Variants in ARL10 observed in about 807,000 individuals in gnomAD.
ARL10 encodes the protein ADP-ribosylation factor-like protein 10.
A neutral mutation model predicts 26.1 loss-of-function variants in ARL10; 23 were observed. The ratio of observed to expected loss-of-function variants is 0.88; its 90% CI spans 0.63 to 1.25. The LOEUF (loss-of-function observed/expected upper bound fraction) is 1.25, where lower values mean the gene tolerates loss of function less well. ARL10 is among the 50% of genes most tolerant of loss of function. ARL10 has a pLI of 0.00. For synonymous variants in ARL10, 138 were observed against 149.1 expected (o/e 0.93, Z 0.54); for missense variants, 300 against 323.6 (o/e 0.93, Z 0.56).
At chr5:176,399,870 T>C (rs1438727068) in intron 1 of ARL10, among the ~76,000 whole-genome samples, 14 of 140,540 alleles carry the variant, frequency 1.0e-4, no homozygotes, top group African/African-American at 3.7e-4. Context: ...AGAGTGAGAC[T>C]TGGTCTCAAA....
At chr5:176,384,127 C>T (rs745475778), downstream of ARL10, 7 of 1,611,294 alleles carry the variant, frequency 4.3e-6, no homozygotes, top group African/African-American at 8.0e-5. Flanking sequence ...TGGGACCTGG[C>T]CAGCTCCTCT....
downstream of ARL10, chr5:176,384,222 G>A (rs867353370): frequency 2.0e-5 from 32 of 1,614,104 alleles, no homozygotes; most frequent in Middle Eastern, 1.6e-4. Context: ...CAGCTGTGAT[G>A]TAAACCAGTC....
At chr5:176,395,299 T>A (rs1357150511) in intron 1 of ARL10, among the ~76,000 whole-genome samples, 2 of 152,090 alleles carry the variant, frequency 1.3e-5, no homozygotes, top group Non-Finnish European at 2.9e-5. Flanking sequence ...AGGCAGAGAG[T>A]GGCTTCCAGA....
At chr5:176,369,181 G>A in intron 3 of ARL10, 199 bp downstream of exon 3, 1 of 1,531,080 alleles carries the variant, frequency 6.5e-7, no homozygotes, top group East Asian at 2.5e-5. Context: ...GTACTCTGGA[G>A]AGATGAGAAA....
At chr5:176,390,494 A>G (rs1260577807), downstream of ARL10, among the ~76,000 whole-genome samples, 2 of 152,024 alleles carry the variant, frequency 1.3e-5, no homozygotes, top group Non-Finnish European at 2.9e-5. Context: ...CAGTGGCAGA[A>G]TCTCGGCTCA....
downstream of ARL10, among the ~76,000 whole-genome samples, chr5:176,404,767 C>T (rs2113659800): frequency 6.6e-6 from 1 of 152,290 alleles, no homozygotes; most frequent in African/African-American, 2.4e-5. Flanking sequence ...GCAGCAGGTC[C>T]CGGGCTCCGG....
chr5:176,370,849 G>T (rs1014111377), intron 3 of ARL10, among the ~76,000 whole-genome samples: 6 of 152,234 alleles, frequency 3.9e-5, no homozygotes, highest in African/African-American at 1.4e-4. Context: ...CTAGTTTCTA[G>T]AGGTCTTGTC....
At chr5:176,388,919 A>G, downstream of ARL10, 1 of 1,614,124 alleles carries the variant, frequency 6.2e-7, no homozygotes, top group Non-Finnish European at 8.5e-7. Flanking sequence ...GAATCCAGAG[A>G]GTTTCAAGGA....
downstream of ARL10, chr5:176,386,757 GC>G (rs1194192630): frequency 1.6e-6 from 2 of 1,234,856 alleles, no homozygotes; most frequent in African/African-American, 3.0e-5. Flanking sequence ...TTCTCCATCT[GC>G]AAAATGAGGA....
Position 176,375,183 on chromosome 5 carries a change from T to TCCATCCATCCATCCACTCATCCACCCAC in ARL10, c.*3291_*3292insTCCATCCATCCACTCATCCACCCACCCA, listed in dbSNP as rs1768656514. 1 of 70,510 alleles carries TCCATCCATCCATCCACTCATCCACCCAC rather than the reference T, an allele frequency of 1.4e-5. No individual in the cohort carries two copies. The highest frequency in any genetic ancestry group is 2.5e-5 in the Non-Finnish European group (1 of 39,330). The allele number at this position is 70,510 out of a possible 1,614,324, so 4.4% of individuals were successfully genotyped here. ...ATCCATCCACCCACCCACCCACCCA[T>TCCATCCATCCATCCACTCATCCACCCAC]CCACCCATCCATCCATCCATCCACT... is the stretch of plus-strand genomic sequence containing the variant. On this transcript the variant is annotated 3_prime_UTR_variant, in exon 4 of 4. Transcript: ENST00000310389.
In ARL10 at chr5:176,375,331, TCCATCATCCAC is replaced by T. The variant is rs1372675715; in HGVS notation, c.*3442_*3452del. 7 of 42,730 alleles carry T rather than the reference TCCATCATCCAC, an allele frequency of 1.6e-4. No homozygotes were observed. The highest frequency in any genetic ancestry group is 7.0e-4 in the South Asian group (1 of 1,428). 2.6% of individuals were successfully genotyped at this position (42,730 alleles called of 1,614,324 possible). ...ATCCATCCATCCATCCATCCATCCA[TCCATCATCCAC>T]CCATCCATCCATCCATCCATCCATC... On this transcript the variant is annotated 3_prime_UTR_variant, in exon 4 of 4. Transcript: ENST00000310389.
chr5:176,389,591 T>A, downstream of ARL10: 1 of 1,304,278 alleles, frequency 7.7e-7, no homozygotes, highest in Non-Finnish European at 1.1e-6. Context: ...CCTCCTCTCC[T>A]TTGAGAGGCC....
chr5:176,409,406 CTTTTT>C, the ARL10 span, among the ~76,000 whole-genome samples: 3 of 79,656 alleles, frequency 3.8e-5, no homozygotes, highest in African/African-American at 5.7e-5. Flanking sequence ...TCTGATTGCC[CTTTTT>C]TTTTTTTTTT....
Position 176,372,115 on chromosome 5 carries a change from G to A in ARL10, c.*220G>A, listed in dbSNP as rs1214249158. 7.1e-7 allele frequency: 1 copy of A among 1,400,140 alleles called. No individual in the cohort carries two copies. The highest frequency in any genetic ancestry group is 9.3e-7 in the Non-Finnish European group (1 of 1,074,924). 86.7% of individuals were successfully genotyped at this position (1,400,140 alleles called of 1,614,324 possible). A position where few individuals can be genotyped will look rare whatever the true frequency, so the allele number is the denominator to read the frequency against. On this transcript the variant is annotated 3_prime_UTR_variant, in exon 4 of 4. Transcript: ENST00000310389. ...AAGCAGGGAGGTGGGTGAGACAGAG[G>A]GTGGGGAGGATAGTGTCTGGCTCAT...
the ARL10 span, among the ~76,000 whole-genome samples, chr5:176,412,168 T>TC: frequency 4.6e-5 from 6 of 130,988 alleles, no homozygotes; most frequent in East Asian, 6.8e-4. Context: ...AGAGTGAGAC[T>TC]CATCTCAAAA....
At chr5:176,394,606 AGAT>A (rs1756419023) in intron 1 of ARL10, among the ~76,000 whole-genome samples, 5 of 130,908 alleles carry the variant, frequency 3.8e-5, no homozygotes, top group South Asian at 2.1e-4. Flanking sequence ...TCACGAGGTC[AGAT>A]GGAGAGCATC....
chr5:176,391,441 G>A (rs181738948), downstream of ARL10, among the ~76,000 whole-genome samples: 90 of 152,210 alleles, frequency 5.9e-4, no homozygotes, highest in Middle Eastern at 3.4e-3. Context: ...GCAAAGCCCC[G>A]TCTCTACTAA....
At chr5:176,371,233 G>A (rs1006347063) in intron 3 of ARL10, among the ~76,000 whole-genome samples, 17 of 152,286 alleles carry the variant, frequency 1.1e-4, no homozygotes, top group South Asian at 4.1e-4. Context: ...AAATTAGCCA[G>A]GCGTGGTGGC....
chr5:176,392,911 C>G, downstream of ARL10: 1 of 1,614,184 alleles, frequency 6.2e-7, no homozygotes, highest in East Asian at 2.2e-5. This position sits in a 1 kb window ranked among gnomAD's most constrained non-coding sequence, Gnocchi z 5.2. Context: ...GGGGTCTCCT[C>G]CTTGGATTCC....
Sources: gnomAD v4.1 joint callset for allele counts (sites outside exome capture counted in the v4.1 genomes callset) on GRCh38, gnomAD v4.1.1 for gene constraint, Gnocchi (gnomAD v3.1) non-coding constraint, MANE v1.5 for transcripts, NCBI Gene and HGNC (gene_info 2026-07-23, HGNC 2026-07-21) for gene names.